The following C1QTNF1 variants were observed in gnomAD, a reference collection of about 807,000 sequenced individuals.
C1QTNF1 encodes the protein complement C1q tumor necrosis factor-related protein 1.
A neutral mutation model predicts 27.8 loss-of-function variants in C1QTNF1; 22 were observed. The ratio of observed to expected loss-of-function variants is 0.79; its 90% CI spans 0.56 to 1.13. C1QTNF1 has a LOEUF of 1.13. C1QTNF1 is among the 50% of genes most tolerant of loss of function. C1QTNF1 has a pLI of 0.00. For missense variants in C1QTNF1, 373 were observed against 380.2 expected, an observed-to-expected ratio of 0.98 and a Z score of 0.16; for synonymous variants, 166 against 154.3, an observed-to-expected ratio of 1.08 and a Z score of -0.56.
At chr17:79,047,228 T>TTTTTC (rs1050782091) in intron 3 of C1QTNF1, 4 of 342,022 alleles carry the variant, frequency 1.2e-5, no homozygotes, top group African/African-American at 6.6e-5. Context: ...CATTTTCTTT[T>TTTTTC]TTTTCTTTTC....
chr17:79,030,844 G>A (rs373244608), intron 1 of C1QTNF1, among the ~76,000 whole-genome samples: 9 of 151,854 alleles, frequency 5.9e-5, no homozygotes, highest in Admixed American at 2.6e-4. Context: ...CAAGCGATCC[G>A]CCTGCCTCGG....
At chr17:79,023,704 G>GCGCGCACACA (rs1267428917), upstream of C1QTNF1, among the ~76,000 whole-genome samples, 108 of 145,030 alleles carry the variant, frequency 7.4e-4, 2 homozygotes, top group African/African-American at 2.6e-3. Context: ...GCGCGCGCGC[G>GCGCGCACACA]CACACACACA....
chr17:79,038,785 G>C (rs555569912), intron 1 of C1QTNF1, among the ~76,000 whole-genome samples: 1 of 152,312 alleles, frequency 6.6e-6, no homozygotes, highest in Non-Finnish European at 1.5e-5. Context: ...CAGTGATCTG[G>C]AGCCAAGTTT....
chr17:79,035,435 A>AT lies in C1QTNF1; in HGVS notation c.-14-8505dup, dbSNP rs11326108. On this transcript the variant is annotated intron_variant, in intron 1 of 3. Coordinates refer to ENST00000579760, the MANE Select transcript of C1QTNF1 (RefSeq NM_030968.5). Reference sequence around the variant, plus strand: ...GTGTTTGAGTTCTGGGCTGAATCGTATTTTTTTTTTTTTTTGAGACAGTCT... The same window carrying AT: ...GTGTTTGAGTTCTGGGCTGAATCGTATTTTTTTTTTTTTTTTGAGACAGTCT... Among the ~76,000 whole-genome samples, 1,158 of 143,096 alleles carry AT rather than the reference A, an allele frequency of 8.1e-3. 9 individuals carry two copies. The highest frequency in any genetic ancestry group is 0.029 in the Middle Eastern group (8 of 272). The allele number at this position is 143,096 out of a possible 152,430, so 93.9% of individuals were successfully genotyped here.
Position 79,046,444 on chromosome 17 carries a change from T to G in C1QTNF1, c.156-111T>G. On this transcript the variant is annotated intron_variant, in intron 2 of 3. Coordinates refer to ENST00000579760, the MANE Select transcript of C1QTNF1 (RefSeq NM_030968.5). The surrounding 1 kb of genome is among the most constrained non-coding windows in gnomAD (Gnocchi z 4.8). ...GAACACAGAGCCTTGTGGGTCCAGG[T>G]GAGAGAGTGAGAAGGCAGGTCAGGC... 1.4e-6 allele frequency: 2 copies of G among 1,437,272 alleles called. No homozygotes were observed. Among genetic ancestry groups the G allele is most frequent in the Non-Finnish European group, 1.9e-6 (2 of 1,039,692 alleles). 89.0% of individuals were successfully genotyped at this position (1,437,272 alleles called of 1,614,324 possible). A position where few individuals can be genotyped will look rare whatever the true frequency, so the allele number is the denominator to read the frequency against.
Position 79,048,013 on chromosome 17 carries a change from C to A in C1QTNF1, c.771C>A (p.Asn257Lys). 6.2e-7 allele frequency: 1 copy of A among 1,608,996 alleles called. No individual in the cohort carries two copies. Residue 257 changes from asparagine (N) to lysine (K), a missense_variant, in exon 4 of 4, where the codon AAC (asparagine) becomes AAA (lysine). Coordinates refer to ENST00000579760, the MANE Select transcript of C1QTNF1 (RefSeq NM_030968.5). The part of the protein sequence containing the change: ...WVRLYKGERE[N>K]AIFSEELDTY... ...GCCTCTACAAGGGCGAACGTGAGAA[C>A]GCCATCTTCAGCGAGGAGCTGGACA...
chr17:79,044,968 A>T (rs62063359), intron 2 of C1QTNF1, among the ~76,000 whole-genome samples: 10,948 of 152,208 alleles, frequency 0.072, 451 homozygotes, highest in Middle Eastern at 0.13. Context: ...GCCATCCCCC[A>T]GGCACGGGGG....
At chr17:79,035,605 A>G (rs2072246567) in intron 1 of C1QTNF1, among the ~76,000 whole-genome samples, 1 of 151,900 alleles carries the variant, frequency 6.6e-6, no homozygotes, top group East Asian at 1.9e-4. Flanking sequence ...TAATTTTTGT[A>G]TTTTTAGTAG....
chr17:79,041,807 C>T (rs986166084), intron 1 of C1QTNF1: 1 of 152,144 alleles, frequency 6.6e-6, no homozygotes, highest in Non-Finnish European at 1.5e-5. Context: ...AGACATCCCC[C>T]GCAGAGGCTC....
chr17:79,043,088 ATG>A (rs905255728), intron 1 of C1QTNF1, among the ~76,000 whole-genome samples: 17 of 140,258 alleles, frequency 1.2e-4, no homozygotes, highest in South Asian at 6.8e-4. Context: ...GCATGTGTGT[ATG>A]TGTGTGCATG....
chr17:79,043,568 GTACATGTGTGTGGAT>G (rs945785076), intron 1 of C1QTNF1: 19 of 436,456 alleles, frequency 4.4e-5, no homozygotes, highest in African/African-American at 2.4e-4. Context: ...TGTATTGTGT[GTACATGTGTGTGGAT>G]TACATGTGTG....
At chr17:79,029,818 C>A (rs1232244323) in intron 1 of C1QTNF1, among the ~76,000 whole-genome samples, 2 of 152,200 alleles carry the variant, frequency 1.3e-5, no homozygotes, top group Non-Finnish European at 2.9e-5. Flanking sequence ...CTCCCTACCA[C>A]CTGTGCTGTT....
At chr17:79,037,701 C>T (rs952912465) in intron 1 of C1QTNF1, among the ~76,000 whole-genome samples, 1 of 152,156 alleles carries the variant, frequency 6.6e-6, no homozygotes, top group Non-Finnish European at 1.5e-5. Context: ...CAGGGTCTCA[C>T]TCTGTCACCC....
intron 1 of C1QTNF1, among the ~76,000 whole-genome samples, chr17:79,040,159 G>A (rs1197212980): frequency 6.6e-6 from 1 of 152,172 alleles, no homozygotes; most frequent in East Asian, 1.9e-4. Flanking sequence ...CAAACTCTCT[G>A]CAGTAGGAGA....
Position 79,048,999 on chromosome 17 carries a change from C to T in C1QTNF1, c.*911C>T, listed in dbSNP as rs1352209233. 6.6e-6 allele frequency: 1 copy of T among 152,234 alleles called. No individual in the cohort carries two copies. The highest frequency in any genetic ancestry group is 2.4e-5 in the African/African-American group (1 of 41,452). 9.4% of individuals were successfully genotyped at this position (152,234 alleles called of 1,614,324 possible). A position where few individuals can be genotyped will look rare whatever the true frequency, so the allele number is the denominator to read the frequency against. On this transcript the variant is annotated 3_prime_UTR_variant, in exon 4 of 4. Coordinates refer to ENST00000579760, the MANE Select transcript of C1QTNF1 (RefSeq NM_030968.5). Reference sequence around the variant, plus strand: ...GGCATCGGCTTTCTGTGCCGCCTCCCACACAAATCAGCCCCAGAAGGCCCC... The same window carrying T: ...GGCATCGGCTTTCTGTGCCGCCTCCTACACAAATCAGCCCCAGAAGGCCCC...
chr17:79,048,417 C>T lies in C1QTNF1; in HGVS notation c.*329C>T. On this transcript the variant is annotated 3_prime_UTR_variant, in exon 4 of 4. Coordinates refer to ENST00000579760, the MANE Select transcript of C1QTNF1 (RefSeq NM_030968.5). ...AGGGTGCGGCACCGCGGCTCCAGTC[C>T]TTGGAAATAATTAGGCAAATTCTAA... is the stretch of plus-strand genomic sequence containing the variant. 1 of 281,684 alleles carries T rather than the reference C, an allele frequency of 3.6e-6. No homozygotes were observed. The highest frequency in any genetic ancestry group is 1.4e-4 in the South Asian group (1 of 7,292). 17.4% of individuals were successfully genotyped at this position (281,684 alleles called of 1,614,324 possible).
chr17:79,045,163 A>G (rs545689487), intron 2 of C1QTNF1, among the ~76,000 whole-genome samples: 1 of 152,216 alleles, frequency 6.6e-6, no homozygotes, highest in Non-Finnish European at 1.5e-5. Context: ...GTCTTGAAGG[A>G]CACCTGCGGG....
At chr17:79,033,961 C>T (rs1182990633) in intron 1 of C1QTNF1, among the ~76,000 whole-genome samples, 1 of 152,134 alleles carries the variant, frequency 6.6e-6, no homozygotes, top group East Asian at 1.9e-4. Flanking sequence ...GGGGCGGGGC[C>T]AGCAGGAGGA....
chr17:79,047,565 G>T lies in C1QTNF1; in HGVS notation c.323G>T (p.Gly108Val). ...KGEKGDRGDR[G>V]LQGKYGKTGS... Reference sequence around the variant, plus strand: ...GAGAAGGGTGACCGCGGAGATCGAGGCCTCCAAGGGAAATATGGCAAAACA... The same window carrying T: ...GAGAAGGGTGACCGCGGAGATCGAGTCCTCCAAGGGAAATATGGCAAAACA... Residue 108 changes from glycine (G) to valine (V), a missense_variant, in exon 4 of 4, where the codon GGC (glycine) becomes GTC (valine). Coordinates refer to ENST00000579760, the MANE Select transcript of C1QTNF1 (RefSeq NM_030968.5). The T allele has an allele frequency of 6.5e-7, 1 of 1,529,890 alleles. No individual in the cohort carries two copies. The highest frequency in any genetic ancestry group is 8.8e-7 in the Non-Finnish European group (1 of 1,140,846). 94.8% of individuals were successfully genotyped at this position (1,529,890 alleles called of 1,614,324 possible).
Sources: gnomAD v4.1 joint callset for allele counts (sites outside exome capture counted in the v4.1 genomes callset) on GRCh38, gnomAD v4.1.1 for gene constraint, Gnocchi (gnomAD v3.1) non-coding constraint, MANE v1.5 for transcripts, NCBI Gene and HGNC (gene_info 2026-07-23, HGNC 2026-07-21) for gene names.